Variants in KCNH1 observed in about 807,000 individuals in gnomAD.
KCNH1 encodes the protein potassium voltage-gated channel subfamily H member 1.
In KCNH1, 27 loss-of-function variants were observed where a neutral mutation model predicts 69.2. The ratio of observed to expected loss-of-function variants is 0.39; its 90% CI spans 0.29 to 0.54. KCNH1 has a LOEUF of 0.54. KCNH1 is among the 20% of genes least tolerant of loss of function. The pLI is 0.68. For missense variants in KCNH1, 798 were observed against 1,261.6 expected, an observed-to-expected ratio of 0.63 and a Z score of 5.57; for synonymous variants, 456 against 487.7, an observed-to-expected ratio of 0.93 and a Z score of 0.86.
At chr1:210,932,415 C>T (rs939360696) in intron 6 of KCNH1, among the ~76,000 whole-genome samples, 10 of 151,978 alleles carry the variant, frequency 6.6e-5, no homozygotes, top group Non-Finnish European at 1.3e-4. Context: ...CAGAAAACCA[C>T]CAAACCAAAA....
intron 6 of KCNH1, among the ~76,000 whole-genome samples, chr1:210,943,173 C>A (rs78626728): frequency 2.6e-5 from 4 of 152,182 alleles, no homozygotes; most frequent in Non-Finnish European, 5.9e-5. Flanking sequence ...TGATTACAAT[C>A]AGACTTTTGA....
chr1:211,081,213 A>G (rs1690852379), intron 5 of KCNH1, among the ~76,000 whole-genome samples: 1 of 152,246 alleles, frequency 6.6e-6, no homozygotes, highest in South Asian at 2.1e-4. Flanking sequence ...AGACACATGA[A>G]AAAATGCTCA....
At chr1:210,701,437 G>C (rs1269081500) in intron 10 of KCNH1, among the ~76,000 whole-genome samples, 1 of 152,210 alleles carries the variant, frequency 6.6e-6, no homozygotes, top group Non-Finnish European at 1.5e-5. Flanking sequence ...CAGAGAGGGA[G>C]AGTGGCTTAC....
intron 6 of KCNH1, among the ~76,000 whole-genome samples, chr1:210,952,147 C>T (rs988987917): frequency 1.1e-4 from 16 of 152,168 alleles, no homozygotes; most frequent in African/African-American, 3.9e-4. Context: ...GCACCTACTG[C>T]CCAGGCAATA....
intron 6 of KCNH1, among the ~76,000 whole-genome samples, chr1:210,928,471 G>A (rs572865104): frequency 6.6e-6 from 1 of 152,152 alleles, no homozygotes; most frequent in African/African-American, 2.4e-5. Flanking sequence ...ATGATCATTG[G>A]GTCAACAATG....
intron 6 of KCNH1, among the ~76,000 whole-genome samples, chr1:211,001,815 C>T (rs370888533): frequency 2.6e-5 from 4 of 152,018 alleles, no homozygotes; most frequent in African/African-American, 9.7e-5. Context: ...ATATATACAC[C>T]ACGGAATACT....
chr1:210,956,331 G>A (rs191027089), intron 6 of KCNH1, among the ~76,000 whole-genome samples: 5 of 152,236 alleles, frequency 3.3e-5, no homozygotes, highest in East Asian at 1.9e-4. Flanking sequence ...TTTTCACATC[G>A]ATGTTCATCA....
At chr1:210,717,730 G>A (rs1002239526) in intron 10 of KCNH1, among the ~76,000 whole-genome samples, 7 of 152,224 alleles carry the variant, frequency 4.6e-5, no homozygotes, top group South Asian at 4.1e-4. Flanking sequence ...GAGGAGTGCT[G>A]TCCAAGAGAA....
At chr1:211,092,160 T>C (rs1178429909) in intron 3 of KCNH1, among the ~76,000 whole-genome samples, 1 of 152,216 alleles carries the variant, frequency 6.6e-6, no homozygotes, top group African/African-American at 2.4e-5. Context: ...TATTATTTTG[T>C]GAGATAGAGA....
At chr1:210,913,977 C>T (rs1035873635) in intron 7 of KCNH1, among the ~76,000 whole-genome samples, 2 of 152,020 alleles carry the variant, frequency 1.3e-5, no homozygotes, top group Non-Finnish European at 2.9e-5. Context: ...TTTCTACTTT[C>T]TGGAATAAGA....
chr1:210,859,680 A>C (rs974347399), intron 7 of KCNH1: 1 of 1,284,996 alleles, frequency 7.8e-7, no homozygotes, highest in African/African-American at 1.5e-5. Flanking sequence ...TTAATCCATT[A>C]AATAAAAGGA....
At chr1:210,873,554 G>C (rs1332517001) in intron 7 of KCNH1, among the ~76,000 whole-genome samples, 1 of 151,838 alleles carries the variant, frequency 6.6e-6, no homozygotes, top group African/African-American at 2.4e-5. Flanking sequence ...GGGTCTCACT[G>C]TGTTTGCCAG....
At chr1:210,876,770 C>G (rs2102502306) in intron 7 of KCNH1, among the ~76,000 whole-genome samples, 1 of 152,186 alleles carries the variant, frequency 6.6e-6, no homozygotes, top group African/African-American at 2.4e-5. Context: ...GCGCTCAGCT[C>G]TGTATGGGGC....
chr1:211,108,611 T>C (rs1053453731), intron 1 of KCNH1: 1 of 152,302 alleles, frequency 6.6e-6, no homozygotes, highest in East Asian at 1.9e-4. Flanking sequence ...ACAAAAGACT[T>C]GGAAGAAGAC....
chr1:210,828,284 T>G (rs1325156942), intron 7 of KCNH1, among the ~76,000 whole-genome samples: 1 of 152,164 alleles, frequency 6.6e-6, no homozygotes, highest in Non-Finnish European at 1.5e-5. Context: ...GGTCCTTTAC[T>G]AAGCTCCCAC....
intron 5 of KCNH1, among the ~76,000 whole-genome samples, chr1:211,030,792 G>A (rs1689768887): frequency 6.6e-6 from 1 of 152,064 alleles, no homozygotes; most frequent in Non-Finnish European, 1.5e-5. Context: ...AGACTGTGTT[G>A]AGGATGAAAT....
chr1:211,034,653 T>A (rs1689861082), intron 5 of KCNH1, among the ~76,000 whole-genome samples: 1 of 152,160 alleles, frequency 6.6e-6, no homozygotes, highest in Admixed American at 6.5e-5. Context: ...AAATAAAAAA[T>A]TTAGTTTTTA....
chr1:210,757,083 T>G (rs1306383264), intron 10 of KCNH1, among the ~76,000 whole-genome samples: 1 of 152,218 alleles, frequency 6.6e-6, no homozygotes, highest in Non-Finnish European at 1.5e-5. Context: ...GGTGACTCTA[T>G]TTCTCTGATC....
intron 6 of KCNH1, among the ~76,000 whole-genome samples, chr1:211,005,632 G>A (rs1314992506): frequency 6.6e-6 from 1 of 152,164 alleles, no homozygotes; most frequent in East Asian, 1.9e-4. Context: ...AGATCTAAAT[G>A]TGAATGGAAA....
Sources: gnomAD v4.1 joint callset for allele counts (sites outside exome capture counted in the v4.1 genomes callset) on GRCh38, gnomAD v4.1.1 for gene constraint, MANE v1.5 for transcripts, NCBI Gene and HGNC (gene_info 2026-07-23, HGNC 2026-07-21) for gene names.